Variants in GRM8 observed in about 807,000 individuals in gnomAD.
The protein encoded by GRM8 is glutamate metabotropic receptor 8.
A neutral mutation model predicts 87.2 loss-of-function variants in GRM8; 47 were observed. The observed-to-expected ratio is 0.54, with a 90% CI of 0.43 to 0.69. The LOEUF (loss-of-function observed/expected upper bound fraction) is 0.69. Ranked by LOEUF, GRM8 falls within the 30% of genes least tolerant of loss-of-function variation. GRM8 has a pLI of 0.00. For missense variants in GRM8, 1,019 were observed against 1,139.2 expected, an observed-to-expected ratio of 0.89 and a Z score of 1.52; for synonymous variants, 396 against 404.5, an observed-to-expected ratio of 0.98 and a Z score of 0.25.
intron 3 of GRM8, among the ~76,000 whole-genome samples, chr7:126,988,706 T>C (rs545232975): frequency 8.5e-5 from 13 of 152,338 alleles, no homozygotes; most frequent in Non-Finnish European, 1.5e-4. Context: ...AGAATTTTAG[T>C]TGATGTAAGT....
intron 2 of GRM8, among the ~76,000 whole-genome samples, chr7:127,230,105 C>A (rs1797588510): frequency 6.6e-6 from 1 of 152,072 alleles, no homozygotes; most frequent in African/African-American, 2.4e-5. Flanking sequence ...TTTGATAACA[C>A]TTTCCTTAAA....
intron 2 of GRM8, among the ~76,000 whole-genome samples, chr7:127,155,285 C>A (rs936390597): frequency 1.3e-5 from 2 of 152,148 alleles, no homozygotes; most frequent in Non-Finnish European, 2.9e-5. Flanking sequence ...TTGGTCTGAT[C>A]TAACTCAGCA....
intron 2 of GRM8, among the ~76,000 whole-genome samples, chr7:127,150,050 T>C (rs773552890): frequency 2.6e-5 from 4 of 152,074 alleles, no homozygotes; most frequent in East Asian, 3.9e-4. Flanking sequence ...AGGGTAACTA[T>C]GTGAGATAAT....
At chr7:126,598,553 T>C (rs187517000) in intron 8 of GRM8, among the ~76,000 whole-genome samples, 22 of 152,284 alleles carry the variant, frequency 1.4e-4, no homozygotes, top group African/African-American at 5.1e-4. Flanking sequence ...ACTTATTTAT[T>C]TGTCCTACTG....
chr7:126,590,326 G>A (rs1796560493), intron 8 of GRM8, among the ~76,000 whole-genome samples: 1 of 151,422 alleles, frequency 6.6e-6, no homozygotes, highest in African/African-American at 2.4e-5. Context: ...ATTCAACAAA[G>A]ACAAAGAAAA....
intron 2 of GRM8, among the ~76,000 whole-genome samples, chr7:127,190,566 C>T (rs758851676): frequency 3.3e-5 from 5 of 151,526 alleles, no homozygotes; most frequent in Non-Finnish European, 4.4e-5. Context: ...AAATGTCCTG[C>T]CCTCAGTGGA....
At chr7:126,854,303 A>C (rs1797482440) in intron 6 of GRM8, among the ~76,000 whole-genome samples, 1 of 152,166 alleles carries the variant, frequency 6.6e-6, no homozygotes, top group African/African-American at 2.4e-5. Flanking sequence ...TTCTTTTGCC[A>C]CTGCCTCTCT....
intron 2 of GRM8, among the ~76,000 whole-genome samples, chr7:127,207,754 G>A (rs941979055): frequency 6.6e-6 from 1 of 152,028 alleles, no homozygotes; most frequent in Admixed American, 6.6e-5. Context: ...TTGTGGTTTA[G>A]ACGCAACAAC....
rs1261239447 is a variant in GRM8, at chr7:126,749,777, T to C, written c.1357+20088A>G. ...AGAGAAAGGCAAATTAGAGCCACAG[T>C]GAGTAATGACTATACACTCACGAAA... On this transcript the variant is annotated intron_variant, in intron 7 of 10. Coordinates refer to ENST00000339582, the MANE Select transcript of GRM8 (RefSeq NM_000845.3). Among the ~76,000 whole-genome samples, 5 of 152,122 alleles carry C rather than the reference T, an allele frequency of 3.3e-5. No individual in the cohort carries two copies. The South Asian group carries it at 8.3e-4, about 25-fold the overall frequency.
At chr7:126,786,096 T>G (rs1425981947) in intron 6 of GRM8, among the ~76,000 whole-genome samples, 1 of 152,140 alleles carries the variant, frequency 6.6e-6, no homozygotes, top group Non-Finnish European at 1.5e-5. Flanking sequence ...TAACAACCTC[T>G]TTTGCTTTCA....
Position 127,043,812 on chromosome 7 carries a change from C to T in GRM8, c.727+62684G>A, listed in dbSNP as rs1463978308. ...AAAAACCCTTTGCGGATAGGTGGCT[C>T]TGGAGTCACCTGCAGGAGATGCTGG... On this transcript the variant is annotated intron_variant, in intron 3 of 10. Coordinates refer to ENST00000339582, the MANE Select transcript of GRM8 (RefSeq NM_000845.3). Among the ~76,000 whole-genome samples, 4 of 152,176 alleles carry T rather than the reference C, an allele frequency of 2.6e-5. No individual in the cohort carries two copies. In the South Asian group the frequency reaches 8.3e-4, roughly 32 times the overall value.
At chr7:127,148,443 T>C (rs1195119235) in intron 2 of GRM8, among the ~76,000 whole-genome samples, 1 of 151,544 alleles carries the variant, frequency 6.6e-6, no homozygotes, top group Non-Finnish European at 1.5e-5. Flanking sequence ...AAGGAAATAC[T>C]GGACTTGAAT....
chr7:126,906,847 C>T (rs1396789316), intron 3 of GRM8, among the ~76,000 whole-genome samples: 2 of 152,188 alleles, frequency 1.3e-5, no homozygotes, highest in African/African-American at 2.4e-5. Flanking sequence ...TGGGCTGTGT[C>T]ACTACCTGCA....
intron 2 of GRM8, among the ~76,000 whole-genome samples, chr7:127,113,944 T>C (rs748939242): frequency 6.6e-6 from 1 of 152,064 alleles, no homozygotes; most frequent in Non-Finnish European, 1.5e-5. Context: ...CTCCCGACAC[T>C]GCCCTGAGCT....
intron 2 of GRM8, among the ~76,000 whole-genome samples, chr7:127,199,951 G>C (rs149272238): frequency 8.3e-4 from 126 of 152,232 alleles, no homozygotes; most frequent in African/African-American, 2.4e-3. Context: ...AACCAGCAGT[G>C]CTTTAAGTTA....
At chr7:126,635,943 A>T (rs1001662110) in intron 7 of GRM8, among the ~76,000 whole-genome samples, 2 of 152,138 alleles carry the variant, frequency 1.3e-5, no homozygotes, top group African/African-American at 2.4e-5. Context: ...AAAACCACAA[A>T]CATTCTTGTA....
intron 2 of GRM8, among the ~76,000 whole-genome samples, chr7:127,174,641 G>A (rs1793993698): frequency 6.6e-6 from 1 of 152,100 alleles, no homozygotes; most frequent in African/African-American, 2.4e-5. Flanking sequence ...ACTATCAGAA[G>A]CAAGATGAAA....
intron 7 of GRM8, among the ~76,000 whole-genome samples, chr7:126,635,761 G>A (rs1328581668): frequency 1.3e-5 from 2 of 152,072 alleles, no homozygotes; most frequent in African/African-American, 4.8e-5. Context: ...GAGGAAACCT[G>A]ATCCCTTGCT....
chr7:126,889,248 A>T (rs1800773288), intron 6 of GRM8, among the ~76,000 whole-genome samples: 1 of 152,122 alleles, frequency 6.6e-6, no homozygotes, highest in Non-Finnish European at 1.5e-5. Context: ...GAAAATAAGC[A>T]TTTATCAAAA....
Sources: allele counts gnomAD v4.1 joint callset (sites outside exome capture counted in the v4.1 genomes callset), GRCh38; gene constraint gnomAD v4.1.1; transcripts MANE v1.5; gene names NCBI Gene and HGNC (gene_info 2026-07-23, HGNC 2026-07-21).